The following LHFPL2 variants were observed in gnomAD, a reference collection of about 807,000 sequenced individuals.
LHFPL2 encodes LHFPL tetraspan subfamily member 2, also known as LHFPL tetraspan subfamily member 2 protein.
LHFPL2 carries 7 observed loss-of-function variants against 17.5 expected under a neutral mutation model. The ratio of observed to expected loss-of-function variants is 0.40; its 90% CI spans 0.23 to 0.75. The LOEUF is 0.75. Among genes scored for constraint, LHFPL2 ranks in the 30% least tolerant of loss-of-function variants. The pLI is 0.37. For synonymous variants in LHFPL2, 134 were observed against 116.2 expected (o/e 1.15, Z -0.99); for missense variants, 241 against 294.8 (o/e 0.82, Z 1.34).
At chr5:78,548,724 C>T (rs1466851326) in intron 3 of LHFPL2, among the ~76,000 whole-genome samples, 1 of 152,210 alleles carries the variant, frequency 6.6e-6, no homozygotes, top group Non-Finnish European at 1.5e-5. Context: ...CTAGGCAGCA[C>T]TGGCAGACTT....
chr5:78,510,322 G>A lies in LHFPL2; in HGVS notation c.-109C>T. 9.2e-7 allele frequency: 1 copy of A among 1,089,734 alleles called. No individual in the cohort carries two copies. The highest frequency in any genetic ancestry group is 1.3e-6 in the Non-Finnish European group (1 of 771,434). The allele number at this position is 1,089,734 out of a possible 1,614,324, so 67.5% of individuals were successfully genotyped here. On this transcript the variant is annotated 5_prime_UTR_variant, in exon 4 of 5. Transcript: ENST00000380345. The stretch of plus-strand genomic sequence containing the variant: ...GCCCGGGAAGGAAGTCGCAGCTGCA[G>A]TCATTCACTCCCGCCGCCGGCCGCG...
Position 78,627,098 on chromosome 5 carries a change from C to A in LHFPL2, c.-245+5166G>T, listed in dbSNP as rs12652410. Among the ~76,000 whole-genome samples, 11 of 149,750 alleles carry A rather than the reference C, an allele frequency of 7.3e-5. No individual in the cohort carries two copies. The East Asian group carries it at 1.6e-3, about 21-fold the overall frequency. On this transcript the variant is annotated intron_variant, in intron 2 of 4. Transcript: ENST00000380345. ...CTCCATTTCAAAAAAACAACAACAA[C>A]AAAAAACAAATATAGTAAGCAGAAA...
intron 1 of LHFPL2, among the ~76,000 whole-genome samples, chr5:78,635,402 G>C (rs1745400659): frequency 6.6e-6 from 1 of 152,202 alleles, no homozygotes; most frequent in South Asian, 2.1e-4. Flanking sequence ...CCAGGGAAAA[G>C]GGATGGTTTC....
chr5:78,629,766 T>A (rs1053856723), intron 2 of LHFPL2, among the ~76,000 whole-genome samples: 1 of 152,184 alleles, frequency 6.6e-6, no homozygotes, highest in African/African-American at 2.4e-5. Flanking sequence ...TTTGCTCTGA[T>A]TTCTCCCAAA....
intron 2 of LHFPL2, among the ~76,000 whole-genome samples, chr5:78,566,753 C>T (rs1286548952): frequency 1.3e-5 from 2 of 152,202 alleles, no homozygotes; most frequent in African/African-American, 2.4e-5. Flanking sequence ...CCACTGCGCC[C>T]GGCGAAACGA....
intron 3 of LHFPL2, among the ~76,000 whole-genome samples, chr5:78,560,740 T>G (rs1756703388): frequency 6.6e-6 from 1 of 152,160 alleles, no homozygotes; most frequent in African/African-American, 2.4e-5. Context: ...ATTCTGAATA[T>G]TTAAAACATT....
At chr5:78,621,717 CCCTCA>C (rs760395466) in intron 2 of LHFPL2, among the ~76,000 whole-genome samples, 13 of 152,168 alleles carry the variant, frequency 8.5e-5, no homozygotes, top group Non-Finnish European at 1.6e-4. Flanking sequence ...AACCACAATT[CCCTCA>C]GTGAAATAAA....
At chr5:78,637,913 C>G (rs987921324) in intron 1 of LHFPL2, among the ~76,000 whole-genome samples, 5 of 152,180 alleles carry the variant, frequency 3.3e-5, no homozygotes, top group Non-Finnish European at 7.4e-5. Flanking sequence ...TCAGCCTCCC[C>G]ACTCGGGCAC....
intron 2 of LHFPL2, among the ~76,000 whole-genome samples, chr5:78,587,354 G>A (rs1743452823): frequency 1.3e-5 from 2 of 152,178 alleles, no homozygotes; most frequent in African/African-American, 2.4e-5. Flanking sequence ...AACCATTATG[G>A]AAGAATTTCA....
At chr5:78,586,795 AT>A (rs1462317942) in intron 2 of LHFPL2, among the ~76,000 whole-genome samples, 7 of 152,378 alleles carry the variant, frequency 4.6e-5, no homozygotes, top group African/African-American at 1.4e-4. Flanking sequence ...TTAATACAGT[AT>A]AAGTTATATT....
At chr5:78,496,410 T>C (rs1211386523) in intron 4 of LHFPL2, among the ~76,000 whole-genome samples, 3 of 152,232 alleles carry the variant, frequency 2.0e-5, no homozygotes, top group African/African-American at 4.8e-5. Context: ...CATTGGCCCT[T>C]TTAGGAACAT....
At chr5:78,644,150 C>T (rs1285981811) in intron 1 of LHFPL2, 6 of 531,872 alleles carry the variant, frequency 1.1e-5, no homozygotes, top group Admixed American at 3.4e-5. Context: ...AGACAATGTA[C>T]AATTTCAAAA....
chr5:78,507,610 C>T (rs1003635753), intron 4 of LHFPL2, among the ~76,000 whole-genome samples: 3 of 152,144 alleles, frequency 2.0e-5, no homozygotes, highest in Admixed American at 2.0e-4. Flanking sequence ...GATGTCCCAC[C>T]CCTTCCAGTA....
At chr5:78,508,995 C>T (rs1755020305) in intron 4 of LHFPL2, among the ~76,000 whole-genome samples, 2 of 152,332 alleles carry the variant, frequency 1.3e-5, no homozygotes, top group South Asian at 2.1e-4. Context: ...TCAGGACTCA[C>T]CTTTCAAACC....
chr5:78,606,638 C>T (rs1451866576), intron 2 of LHFPL2, among the ~76,000 whole-genome samples: 1 of 152,150 alleles, frequency 6.6e-6, no homozygotes, highest in Non-Finnish European at 1.5e-5. Context: ...CCAACTCCAG[C>T]CAGAAACCCT....
intron 2 of LHFPL2, among the ~76,000 whole-genome samples, chr5:78,614,019 T>C (rs1483449069): frequency 1.3e-5 from 2 of 152,212 alleles, no homozygotes; most frequent in East Asian, 1.9e-4. Flanking sequence ...CTGTCTTGTC[T>C]TGGTCACCAG....
intron 2 of LHFPL2, among the ~76,000 whole-genome samples, chr5:78,593,655 G>C (rs757536833): frequency 7.2e-5 from 11 of 152,168 alleles, no homozygotes; most frequent in Non-Finnish European, 1.2e-4. Flanking sequence ...AGTACATCTG[G>C]TAGTGGTCAA....
At chr5:78,516,310 C>A (rs761512146) in intron 3 of LHFPL2, among the ~76,000 whole-genome samples, 1 of 152,168 alleles carries the variant, frequency 6.6e-6, no homozygotes. Context: ...AACTTCTGAT[C>A]GACTCCTCTT....
intron 4 of LHFPL2, among the ~76,000 whole-genome samples, chr5:78,499,047 G>A (rs917793921): frequency 6.6e-6 from 1 of 152,086 alleles, no homozygotes; most frequent in Non-Finnish European, 1.5e-5. Context: ...ACACATAATG[G>A]CAGTGTTGAC....
Sources: allele counts gnomAD v4.1 joint callset (sites outside exome capture counted in the v4.1 genomes callset), GRCh38; gene constraint gnomAD v4.1.1; transcripts MANE v1.5; gene names NCBI Gene and HGNC (gene_info 2026-07-23, HGNC 2026-07-21).